The following RFTN1 variants were observed in gnomAD, a reference collection of about 807,000 sequenced individuals.
RFTN1 encodes raftlin, lipid raft linker 1.
In RFTN1, 26 loss-of-function variants were observed where a neutral mutation model predicts 46.5. That is an observed-to-expected ratio of 0.56 (90% confidence interval 0.41 to 0.78). RFTN1 has a LOEUF of 0.78. RFTN1 is among the 30% of genes least tolerant of loss of function. The pLI, the probability that RFTN1 is intolerant of heterozygous loss-of-function variation, is 0.00. For synonymous variants in RFTN1, 261 were observed against 284.2 expected, an observed-to-expected ratio of 0.92 and a Z score of 0.82; for missense variants, 693 against 718.7, an observed-to-expected ratio of 0.96 and a Z score of 0.41.
intron 2 of RFTN1, among the ~76,000 whole-genome samples, chr3:16,487,034 G>A (rs2076459112): frequency 6.6e-6 from 1 of 152,118 alleles, no homozygotes; most frequent in South Asian, 2.1e-4. Context: ...GAAGGCTGTT[G>A]TCTGCAAGCC....
At chr3:16,461,455 T>C (rs934736503) in intron 2 of RFTN1, among the ~76,000 whole-genome samples, 10 of 152,212 alleles carry the variant, frequency 6.6e-5, no homozygotes, top group Non-Finnish European at 1.3e-4. Flanking sequence ...CACATAAATG[T>C]ATGAATTTTC....
At chr3:16,432,100 G>A (rs2075400345) in intron 3 of RFTN1, among the ~76,000 whole-genome samples, 1 of 152,190 alleles carries the variant, frequency 6.6e-6, no homozygotes, top group Admixed American at 6.5e-5. Context: ...TACAGTGAGT[G>A]CTCACTAAAT....
Position 16,316,450 on chromosome 3 carries a change from G to A in RFTN1, c.*378C>T, listed in dbSNP as rs1236641300. ...GTGGGATGAACAGCAGCCTTGGTTT[G>A]TAGCCCAGGGTGTCCATGGATTTGA... On this transcript the variant is annotated 3_prime_UTR_variant, in exon 10 of 10. Coordinates refer to ENST00000334133, the MANE Select transcript of RFTN1 (RefSeq NM_015150.2). This position sits in a 1 kb window ranked among gnomAD's most constrained non-coding sequence, Gnocchi z 4.5. 8 of 286,466 alleles carry A rather than the reference G, an allele frequency of 2.8e-5. No homozygotes were observed. The highest frequency in any genetic ancestry group is 2.1e-4 in the Admixed American group (4 of 19,308). 17.7% of individuals were successfully genotyped at this position (286,466 alleles called of 1,614,324 possible). A position where few individuals can be genotyped will look rare whatever the true frequency, so the allele number is the denominator to read the frequency against.
At chr3:16,414,491 C>T (rs1234444523) in intron 3 of RFTN1, among the ~76,000 whole-genome samples, 5 of 151,482 alleles carry the variant, frequency 3.3e-5, no homozygotes, top group South Asian at 4.2e-4. Context: ...CCTATAATTC[C>T]AGCTACTTGG....
intron 5 of RFTN1, among the ~76,000 whole-genome samples, chr3:16,372,739 A>G (rs1262576412): frequency 1.3e-5 from 2 of 152,240 alleles, no homozygotes; most frequent in Admixed American, 1.3e-4. Flanking sequence ...GGTGTAGCGG[A>G]GGAAGACAGA....
chr3:16,461,061 C>T (rs2076001927), intron 2 of RFTN1, among the ~76,000 whole-genome samples: 1 of 152,214 alleles, frequency 6.6e-6, no homozygotes, highest in Non-Finnish European at 1.5e-5. Context: ...GGGCCAGTGC[C>T]AGGAATAGGA....
intron 2 of RFTN1, among the ~76,000 whole-genome samples, chr3:16,467,656 C>CG (rs2076122691): frequency 6.6e-6 from 1 of 152,110 alleles, no homozygotes; most frequent in African/African-American, 2.4e-5. Flanking sequence ...GAGGTGATGA[C>CG]CGTGCGCCAT....
chr3:16,470,054 C>T (rs1348722794), intron 2 of RFTN1, among the ~76,000 whole-genome samples: 2 of 152,140 alleles, frequency 1.3e-5, no homozygotes, highest in African/African-American at 4.8e-5. Context: ...GAGGGGGGTC[C>T]AGGCTACAGA....
chr3:16,409,094 G>A (rs2074927004), intron 4 of RFTN1, among the ~76,000 whole-genome samples: 1 of 152,204 alleles, frequency 6.6e-6, no homozygotes, highest in South Asian at 2.1e-4. Flanking sequence ...GGTTTGAAAG[G>A]AGTCCCGGCG....
intron 2 of RFTN1, among the ~76,000 whole-genome samples, chr3:16,492,848 C>G (rs1559374338): frequency 6.6e-6 from 1 of 152,214 alleles, no homozygotes; most frequent in Non-Finnish European, 1.5e-5. Context: ...ACTTCCCCCC[C>G]AACACTGGCC....
chr3:16,365,037 T>C (rs1484630621), intron 6 of RFTN1, among the ~76,000 whole-genome samples: 2 of 144,992 alleles, frequency 1.4e-5, no homozygotes, highest in African/African-American at 5.1e-5. Flanking sequence ...CAATAAAAGT[T>C]TTTTTAAAGG....
rs1343167641 is a variant in RFTN1, at chr3:16,342,864, C to T, written c.1146+15068G>A. On this transcript the variant is annotated intron_variant, in intron 7 of 9. Transcript: ENST00000334133. This position sits in a 1 kb window ranked among gnomAD's most constrained non-coding sequence, Gnocchi z 4.0. ...TGGCTGAATTTTTTACATGCAGTTC[C>T]CTAATCTCCACCCCGAAGACCCACT... 2.6e-5 allele frequency among the ~76,000 whole-genome samples: 4 copies of T among 152,276 alleles called. No homozygotes were observed. The East Asian group carries it at 7.7e-4, about 29-fold the overall frequency.
chr3:16,409,455 C>T lies in RFTN1; in HGVS notation c.361G>A (p.Gly121Ser), dbSNP rs1174507996. 3 of 1,613,278 alleles carry T rather than the reference C, an allele frequency of 1.9e-6. No individual in the cohort carries two copies. The highest frequency in any genetic ancestry group is 2.5e-6 in the Non-Finnish European group (3 of 1,179,294). Residue 121 changes from glycine (G) to serine (S), a missense_variant, in exon 4 of 10, where the codon GGC (glycine) becomes AGC (serine). Transcript: ENST00000334133. The stretch of plus-strand genomic sequence containing the variant: ...CAGCAATCTAATTCCAAGATGTAGC[C>T]TTCATTGTGAAGATCAGTTTTCTGA... Reference protein sequence around the residue: ...RSQKTDLHNEGYILELDCCSS... With the variant: ...RSQKTDLHNESYILELDCCSS...
intron 7 of RFTN1, among the ~76,000 whole-genome samples, chr3:16,331,759 CTCTT>C (rs1463032501): frequency 2.0e-5 from 3 of 152,144 alleles, no homozygotes. Context: ...CTGGTATGTT[CTCTT>C]TTTTTGGTTT....
intron 2 of RFTN1, among the ~76,000 whole-genome samples, chr3:16,437,690 G>T (rs1461749089): frequency 6.6e-6 from 1 of 151,928 alleles, no homozygotes; most frequent in Non-Finnish European, 1.5e-5. Flanking sequence ...AGATAGGATC[G>T]GTGTTTTTTC....
Position 16,475,555 on chromosome 3 carries a change from C to A in RFTN1, c.145+18170G>T, listed in dbSNP as rs1042355588. Among the ~76,000 whole-genome samples the A allele has an allele frequency of 3.4e-4, 51 of 152,222 alleles. No homozygotes were observed. The highest frequency in any genetic ancestry group is 1.2e-3 in the African/African-American group (51 of 41,454). ...TCCCAATTTCCACAGGGAAACTGGA[C>A]TGGTGCCATTGCTGCCATACAACAG... On this transcript the variant is annotated intron_variant, in intron 2 of 9. Transcript: ENST00000334133. The surrounding 1 kb of genome is among the most constrained non-coding windows in gnomAD (Gnocchi z 4.2).
At chr3:16,391,697 T>C (rs946802376) in intron 4 of RFTN1, among the ~76,000 whole-genome samples, 2 of 151,886 alleles carry the variant, frequency 1.3e-5, no homozygotes, top group African/African-American at 4.8e-5. Context: ...AAAATGAGGG[T>C]ATATGGCACC....
At position 16,444,848 on chromosome 3, in the gene RFTN1, T is replaced by C. The variant is rs575545056; in HGVS notation, c.146-10811A>G. On this transcript the variant is annotated intron_variant, in intron 2 of 9. Transcript: ENST00000334133. Reference sequence around the variant, plus strand: ...CACCACTACAACCACCATCACTCGCTGTTTTACCAAAAACTGGGTAAGTCA... The same window carrying C: ...CACCACTACAACCACCATCACTCGCCGTTTTACCAAAAACTGGGTAAGTCA... Among the ~76,000 whole-genome samples, 20 of 152,358 alleles carry C rather than the reference T, an allele frequency of 1.3e-4. No individual in the cohort carries two copies. In the East Asian group the frequency reaches 3.9e-3, roughly 29 times the overall value.
rs551775123 is a variant in RFTN1 at position 16,362,342 on chromosome 3, G to A, written c.1031-4295C>T. 2.6e-5 allele frequency among the ~76,000 whole-genome samples: 4 copies of A among 152,280 alleles called. No homozygotes were observed. In the South Asian group the frequency reaches 8.3e-4, roughly 32 times the overall value. On this transcript the variant is annotated intron_variant, in intron 6 of 9. Coordinates refer to ENST00000334133, the MANE Select transcript of RFTN1 (RefSeq NM_015150.2). Reference sequence around the variant, plus strand: ...TGCTTTGCTGAAATGTTCCTCCCAAGTGCTTATTCCATGGCCTCCTAAGAG... The same window carrying A: ...TGCTTTGCTGAAATGTTCCTCCCAAATGCTTATTCCATGGCCTCCTAAGAG...
Sources: gnomAD v4.1 joint callset for allele counts (sites outside exome capture counted in the v4.1 genomes callset) on GRCh38, gnomAD v4.1.1 for gene constraint, Gnocchi (gnomAD v3.1) non-coding constraint, MANE v1.5 for transcripts, NCBI Gene and HGNC (gene_info 2026-07-23, HGNC 2026-07-21) for gene names.